The following MGST1 variants were observed in gnomAD, a reference collection of about 807,000 sequenced individuals.
The protein encoded by MGST1 is glutathione S-transferase 12.
A neutral mutation model predicts 8.9 loss-of-function variants in MGST1; 5 were observed. The ratio of observed to expected loss-of-function variants is 0.56; its 90% CI spans 0.29 to 1.19. The LOEUF is 1.19. Ranked by LOEUF, MGST1 falls within the 50% of genes most tolerant of loss-of-function variation. MGST1 has a pLI of 0.08. For synonymous variants in MGST1, 54 were observed against 67.8 expected (o/e 0.80, Z 1.00); for missense variants, 182 against 187.4 (o/e 0.97, Z 0.17).
chr12:16,548,744 T>C lies in MGST1; in HGVS notation n.483-40784T>C, dbSNP rs1290252806. 1 of 152,122 alleles carries C rather than the reference T, an allele frequency of 6.6e-6. No individual in the cohort carries two copies. Among genetic ancestry groups the C allele is most frequent in the African/African-American group, 2.4e-5 (1 of 41,432 alleles). 9.4% of individuals were successfully genotyped at this position (152,122 alleles called of 1,614,324 possible). ...CTTCAGGTCAATAAATGCTACAATTTATGGGCAATTAGCTGTAAAATGGCC... is the reference window on the plus strand; with the variant it reads ...CTTCAGGTCAATAAATGCTACAATTCATGGGCAATTAGCTGTAAAATGGCC... On this transcript the variant is annotated intron_variant and non_coding_transcript_variant, in intron 4 of 4. Transcript: ENST00000538857. The surrounding 1 kb of genome is among the most constrained non-coding windows in gnomAD (Gnocchi z 4.2).
At chr12:16,479,098 G>T (rs1254353978) in intron 4 of MGST1, among the ~76,000 whole-genome samples, 2 of 151,682 alleles carry the variant, frequency 1.3e-5, no homozygotes, top group African/African-American at 4.8e-5. Context: ...TGTTTTTGAG[G>T]TTCATCTACA....
chr12:16,480,363 G>A (rs552344132), intron 4 of MGST1, among the ~76,000 whole-genome samples: 6 of 151,838 alleles, frequency 4.0e-5, no homozygotes, highest in African/African-American at 1.2e-4. Flanking sequence ...GGATGGTCTC[G>A]ATCTCTTGAC....
At chr12:16,509,195 G>C (rs930360496) in intron 4 of MGST1, among the ~76,000 whole-genome samples, 1 of 152,026 alleles carries the variant, frequency 6.6e-6, no homozygotes, top group Non-Finnish European at 1.5e-5. Context: ...TTTTTTTAAT[G>C]CCTTAAGACA....
At chr12:16,408,607 T>C (rs1433899510) in intron 1 of MGST1, among the ~76,000 whole-genome samples, 1 of 152,190 alleles carries the variant, frequency 6.6e-6, no homozygotes, top group African/African-American at 2.4e-5. Context: ...TTTTATATTT[T>C]GCAGTTTCAC....
downstream of MGST1, among the ~76,000 whole-genome samples, chr12:16,593,277 A>G (rs1430515358): frequency 6.6e-6 from 1 of 151,760 alleles, no homozygotes; most frequent in African/African-American, 2.4e-5. This position sits in a 1 kb window ranked among gnomAD's most constrained non-coding sequence, Gnocchi z 4.2. Context: ...AGAGTCTTTT[A>G]TTTTCCCAGT....
chr12:16,533,489 G>T (rs1359980527), intron 4 of MGST1, among the ~76,000 whole-genome samples: 2 of 152,056 alleles, frequency 1.3e-5, no homozygotes. Context: ...TTTTTTCTCG[G>T]TTAATTTTTT....
intron 4 of MGST1, among the ~76,000 whole-genome samples, chr12:16,502,858 T>G (rs1941513502): frequency 6.6e-6 from 1 of 152,122 alleles, no homozygotes; most frequent in African/African-American, 2.4e-5. Context: ...GAACAGAAAT[T>G]TAGTACTTCA....
chr12:16,376,038 T>C, intron 3 of MGST1: 1 of 926,932 alleles, frequency 1.1e-6, no homozygotes, highest in African/African-American at 1.7e-5. Flanking sequence ...TTTATACATA[T>C]ATATAAATGT....
chr12:16,562,744 C>T (rs1034112376), intron 4 of MGST1, among the ~76,000 whole-genome samples: 2 of 152,214 alleles, frequency 1.3e-5, no homozygotes, highest in Non-Finnish European at 2.9e-5. Context: ...AAATCTATGG[C>T]AATCTGCATA....
intron 4 of MGST1, among the ~76,000 whole-genome samples, chr12:16,533,758 C>G (rs1258829492): frequency 6.6e-6 from 1 of 151,666 alleles, no homozygotes; most frequent in Non-Finnish European, 1.5e-5. Flanking sequence ...CAATTACTCA[C>G]AGTAACGTGA....
At chr12:16,454,655 T>G (rs1033810373) in intron 4 of MGST1, among the ~76,000 whole-genome samples, 1 of 151,848 alleles carries the variant, frequency 6.6e-6, no homozygotes, top group African/African-American at 2.4e-5. Flanking sequence ...ATATTTCATT[T>G]CTGACGTCAC....
rs564963283 is a variant in MGST1 at position 16,552,665 on chromosome 12, T to C, written n.483-36863T>C. 1.3e-3 allele frequency among the ~76,000 whole-genome samples: 203 copies of C among 152,172 alleles called. 1 individual carries two copies. Among genetic ancestry groups the C allele is most frequent in the Non-Finnish European group, 2.6e-3 (178 of 67,918 alleles). On this transcript the variant is annotated intron_variant and non_coding_transcript_variant, in intron 4 of 4. Coordinates refer to the MGST1 transcript ENST00000538857. ...TTGGTCTATTTGTGGAATTTACTTT[T>C]TTTCCCCAGGATTACTGCCTGCTGA... is the stretch of plus-strand genomic sequence containing the variant.
intron 1 of MGST1, among the ~76,000 whole-genome samples, chr12:16,430,079 G>T (rs1204375381): frequency 6.6e-6 from 1 of 152,162 alleles, no homozygotes; most frequent in East Asian, 1.9e-4. Context: ...ATCTTCACCA[G>T]GAGTAGATTC....
intron 4 of MGST1, among the ~76,000 whole-genome samples, chr12:16,501,098 G>GAAAAAAAAAA (rs71054822): frequency 7.2e-5 from 6 of 83,774 alleles, no homozygotes; most frequent in Admixed American, 1.3e-4. Context: ...ACTCTGTCTC[G>GAAAAAAAAAA]AAAAAAAAAA....
chr12:16,354,175 C>T (rs2136935779), intron 1 of MGST1, 56 bp from the exon 2 acceptor site: 5 of 1,252,704 alleles, frequency 4.0e-6, no homozygotes, highest in East Asian at 2.5e-5. Flanking sequence ...AATGATCTTC[C>T]AGTTATTTTG....
At chr12:16,466,034 G>A (rs911296253) in intron 4 of MGST1, among the ~76,000 whole-genome samples, 1 of 152,104 alleles carries the variant, frequency 6.6e-6, no homozygotes, top group African/African-American at 2.4e-5. Flanking sequence ...CGCTTATCTG[G>A]ATGTAAGAAT....
intron 4 of MGST1, among the ~76,000 whole-genome samples, chr12:16,466,915 C>G (rs371537334): frequency 6.6e-6 from 1 of 152,022 alleles, no homozygotes; most frequent in Non-Finnish European, 1.5e-5. Flanking sequence ...CCCTTCCCTC[C>G]ACTGATAATC....
chr12:16,519,589 A>G (rs11056976), intron 4 of MGST1, among the ~76,000 whole-genome samples: 1 of 151,752 alleles, frequency 6.6e-6, no homozygotes, highest in East Asian at 1.9e-4. Flanking sequence ...CTTAGTCTCT[A>G]TATATATTGT....
At chr12:16,493,201 C>T (rs1185390644) in intron 4 of MGST1, among the ~76,000 whole-genome samples, 1 of 152,158 alleles carries the variant, frequency 6.6e-6, no homozygotes. Context: ...AGACAGAGTC[C>T]TCATTACAGT....
Sources: gnomAD v4.1 joint callset for allele counts (sites outside exome capture counted in the v4.1 genomes callset) on GRCh38, gnomAD v4.1.1 for gene constraint, Gnocchi (gnomAD v3.1) non-coding constraint, MANE v1.5 for transcripts, NCBI Gene and HGNC (gene_info 2026-07-23, HGNC 2026-07-21) for gene names.